The following MGST2 variants were observed in gnomAD, a reference collection of about 807,000 sequenced individuals.
MGST2 encodes microsomal glutathione S-transferase 2, also known as glutathione peroxidase MGST2.
In MGST2, 9 loss-of-function variants were observed where a neutral mutation model predicts 16.6. The observed-to-expected ratio is 0.54, with a 90% CI of 0.33 to 0.95. MGST2 has a LOEUF of 0.95. MGST2 is among the 40% of genes least tolerant of loss of function. The pLI, the probability that MGST2 is intolerant of heterozygous loss-of-function variation, is 0.03. For synonymous variants in MGST2, 79 were observed against 68.0 expected, an observed-to-expected ratio of 1.16 and a Z score of -0.79; for missense variants, 159 against 175.1, an observed-to-expected ratio of 0.91 and a Z score of 0.52.
chr4:139,735,783 G>A lies in MGST2; in HGVS notation c.*49-4429G>A, dbSNP rs1390293759. Among the ~76,000 whole-genome samples the A allele has an allele frequency of 6.6e-6, 1 of 152,198 alleles. No individual in the cohort carries two copies. ...GAGTGGGGCCCGTGCGTCCCCGGCAGGACCTAGACTGCCTCTCGGCGCAGG... is the reference window on the plus strand; with the variant it reads ...GAGTGGGGCCCGTGCGTCCCCGGCAAGACCTAGACTGCCTCTCGGCGCAGG... On this transcript the variant is annotated intron_variant, in intron 5 of 5. Transcript: ENST00000616265. This position sits in a 1 kb window ranked among gnomAD's most constrained non-coding sequence, Gnocchi z 5.8.
intron 1 of MGST2, among the ~76,000 whole-genome samples, chr4:139,673,893 A>G (rs1470882164): frequency 6.6e-6 from 1 of 152,194 alleles, no homozygotes; most frequent in East Asian, 1.9e-4. Context: ...AGCAGAAGGT[A>G]TAGGAAAGAT....
chr4:139,721,362 T>G (rs1728227501), intron 5 of MGST2, among the ~76,000 whole-genome samples: 1 of 152,230 alleles, frequency 6.6e-6, no homozygotes, highest in Non-Finnish European at 1.5e-5. Flanking sequence ...AACGGATTTT[T>G]CTATGTCCCT....
chr4:139,683,149 C>CT (rs1435993008), intron 2 of MGST2, among the ~76,000 whole-genome samples: 2 of 152,208 alleles, frequency 1.3e-5, no homozygotes, highest in Non-Finnish European at 2.9e-5. Flanking sequence ...AGCCTTCAAG[C>CT]TTTTTTAGAC....
chr4:139,693,689 T>C (rs996946275), intron 2 of MGST2, among the ~76,000 whole-genome samples: 5 of 152,104 alleles, frequency 3.3e-5, no homozygotes, highest in African/African-American at 1.2e-4. Flanking sequence ...GAGGAAAAAC[T>C]TTGGTTACTT....
intron 2 of MGST2, among the ~76,000 whole-genome samples, chr4:139,680,875 A>G (rs184037983): frequency 9.4e-4 from 143 of 152,158 alleles, no homozygotes; most frequent in Admixed American, 1.5e-3. Flanking sequence ...TTTTGTTTGG[A>G]AACTATGGAA....
intron 1 of MGST2, among the ~76,000 whole-genome samples, chr4:139,673,877 C>A (rs1730831937): frequency 6.6e-6 from 1 of 152,092 alleles, no homozygotes; most frequent in Non-Finnish European, 1.5e-5. Flanking sequence ...GGGTATATTT[C>A]AGGAAAGCAG....
intron 3 of MGST2, among the ~76,000 whole-genome samples, chr4:139,697,581 C>G (rs547117093): frequency 6.6e-6 from 1 of 152,144 alleles, no homozygotes; most frequent in African/African-American, 2.4e-5. Flanking sequence ...TGCTTTTTCT[C>G]GAATCCTATT....
downstream of MGST2, among the ~76,000 whole-genome samples, chr4:139,707,843 A>G (rs1293264472): frequency 6.6e-6 from 1 of 151,386 alleles, no homozygotes; most frequent in Non-Finnish European, 1.5e-5. Flanking sequence ...TTTTGGCTGC[A>G]TAAATGTCTT....
intron 2 of MGST2, among the ~76,000 whole-genome samples, chr4:139,685,894 C>G (rs1401859585): frequency 1.3e-5 from 2 of 152,016 alleles, no homozygotes; most frequent in Non-Finnish European, 2.9e-5. Context: ...AAAGTCCTGA[C>G]CTCAAGTGAT....
At chr4:139,692,062 A>G (rs1726640915) in intron 2 of MGST2, among the ~76,000 whole-genome samples, 1 of 152,172 alleles carries the variant, frequency 6.6e-6, no homozygotes. Flanking sequence ...CCAAGGGACT[A>G]AGGCTTGAGG....
intron 1 of MGST2, among the ~76,000 whole-genome samples, chr4:139,676,842 C>T (rs1415601240): frequency 6.6e-6 from 1 of 152,176 alleles, no homozygotes; most frequent in Non-Finnish European, 1.5e-5. Flanking sequence ...GACAGATTTT[C>T]AAATGGCCCT....
chr4:139,745,273 C>T (rs376025786), downstream of MGST2, among the ~76,000 whole-genome samples: 5 of 141,456 alleles, frequency 3.5e-5, no homozygotes, highest in South Asian at 2.6e-4. Context: ...CAGATCCAGC[C>T]GACTCGACCA....
intron 3 of MGST2, among the ~76,000 whole-genome samples, chr4:139,700,584 G>A (rs1324063068): frequency 6.6e-6 from 1 of 152,202 alleles, no homozygotes; most frequent in African/African-American, 2.4e-5. Context: ...TTTCCAACTT[G>A]ACATTCACCA....
intron 1 of MGST2, among the ~76,000 whole-genome samples, chr4:139,677,668 AT>A (rs1242157934): frequency 2.0e-5 from 3 of 151,874 alleles, no homozygotes; most frequent in Non-Finnish European, 4.4e-5. Flanking sequence ...CGTCCAGCAA[AT>A]TTTTTGTATT....
intron 4 of MGST2, 94 bp from the exon 5 acceptor site, chr4:139,703,922 G>C: frequency 2.7e-6 from 4 of 1,507,486 alleles, no homozygotes; most frequent in Non-Finnish European, 3.7e-6. Context: ...AGAAGTTCTG[G>C]ACAGTGTTAA....
the MGST2 span, among the ~76,000 whole-genome samples, chr4:139,749,152 T>A: frequency 6.6e-6 from 1 of 152,252 alleles, no homozygotes; most frequent in African/African-American, 2.4e-5. Flanking sequence ...AAGAATGGTT[T>A]ATAAATGTAC....
intron 2 of MGST2, chr4:139,678,876 G>C (rs534571506): frequency 6.2e-5 from 36 of 576,874 alleles, no homozygotes; most frequent in South Asian, 6.2e-4. Context: ...TACAGAAAAG[G>C]CTGGGATCTC....
At chr4:139,729,156 CAAAAAAAAAAAAA>C (rs4057275) in intron 5 of MGST2, among the ~76,000 whole-genome samples, 1,011 of 81,726 alleles carry the variant, frequency 0.012, 18 homozygotes, top group African/African-American at 0.044. Flanking sequence ...GGAACAAAAG[CAAAAAAAAAAAAA>C]AAAAAAAAAA....
intron 3 of MGST2, among the ~76,000 whole-genome samples, chr4:139,700,127 CTTTTTTTTT>C (rs56662682): frequency 3.6e-5 from 3 of 82,974 alleles, no homozygotes; most frequent in Non-Finnish European, 6.4e-5. Flanking sequence ...TTTGGTTTTG[CTTTTTTTTT>C]TTTTTTTTTT....
Sources: allele counts gnomAD v4.1 joint callset (sites outside exome capture counted in the v4.1 genomes callset), GRCh38; gene constraint gnomAD v4.1.1; non-coding constraint Gnocchi (gnomAD v3.1); transcripts MANE v1.5; gene names NCBI Gene and HGNC (gene_info 2026-07-23, HGNC 2026-07-21).